The following SLX4IP variants were observed in gnomAD, a reference collection of about 807,000 sequenced individuals.
The protein encoded by SLX4IP is SLX4 interacting protein.
In SLX4IP, 34 loss-of-function variants were observed where a neutral mutation model predicts 32.9. The observed-to-expected ratio is 1.03, with a 90% confidence interval of 0.79 to 1.38. SLX4IP has a LOEUF of 1.38. Among genes scored for constraint, SLX4IP ranks in the 40% most tolerant of loss-of-function variants. The probability of loss-of-function intolerance (pLI) is 0.00; values close to 1 mark genes in which losing one functional copy is unlikely to be tolerated. For synonymous variants in SLX4IP, 172 were observed against 171.7 expected (o/e 1.00, Z -0.01); for missense variants, 444 against 479.0 (o/e 0.93, Z 0.68).
intron 2 of SLX4IP, among the ~76,000 whole-genome samples, chr20:10,499,578 C>G (rs915065163): frequency 6.6e-6 from 1 of 152,024 alleles, no homozygotes; most frequent in Non-Finnish European, 1.5e-5. Context: ...ATTTGTATTC[C>G]TGGCACAGGA....
intron 2 of SLX4IP, among the ~76,000 whole-genome samples, chr20:10,532,742 C>G (rs977607240): frequency 1.3e-5 from 2 of 151,128 alleles, no homozygotes; most frequent in Admixed American, 1.3e-4. Context: ...AATAGAAAAG[C>G]TGAAGAAAAA....
intron 6 of SLX4IP, among the ~76,000 whole-genome samples, chr20:10,603,652 A>G (rs1373954741): frequency 2.0e-5 from 3 of 151,922 alleles, no homozygotes; most frequent in Non-Finnish European, 4.4e-5. Flanking sequence ...CTTCACATAT[A>G]CATTTTCCCA....
In SLX4IP at chr20:10,627,124, A is replaced by G. The variant is rs2067181467; in HGVS notation, c.*3745A>G. 5.3e-5 allele frequency: 8 copies of G among 152,226 alleles called. 1 individual carries two copies. In the South Asian group the frequency reaches 1.7e-3, roughly 32 times the overall value. The allele number at this position is 152,226 out of a possible 1,614,324, so 9.4% of individuals were successfully genotyped here. A position where few individuals can be genotyped will look rare whatever the true frequency, so the allele number is the denominator to read the frequency against. Reference sequence around the variant, plus strand: ...GGCAGACCTTACTGTAATATTACACAAAACTGTAATGAGTGGCCCTCCTTT... The same window carrying G: ...GGCAGACCTTACTGTAATATTACACGAAACTGTAATGAGTGGCCCTCCTTT... On this transcript the variant is annotated 3_prime_UTR_variant, in exon 8 of 8. Coordinates refer to ENST00000334534, the MANE Select transcript of SLX4IP (RefSeq NM_001009608.3).
chr20:10,505,272 G>A (rs1299092643), intron 2 of SLX4IP, among the ~76,000 whole-genome samples: 1 of 152,204 alleles, frequency 6.6e-6, no homozygotes, highest in Non-Finnish European at 1.5e-5. Flanking sequence ...GGGAATGTGT[G>A]CATGTCTTCA....
chr20:10,588,135 G>GA (rs199848738), intron 4 of SLX4IP, among the ~76,000 whole-genome samples: 2,804 of 150,074 alleles, frequency 0.019, 59 homozygotes, highest in South Asian at 0.089. Context: ...CAATAGCAAA[G>GA]AAAAAAAAGG....
intron 1 of SLX4IP, among the ~76,000 whole-genome samples, chr20:10,440,262 C>G (rs6133936): frequency 6.6e-6 from 1 of 151,908 alleles, no homozygotes; most frequent in Admixed American, 6.6e-5. Flanking sequence ...TGAGACCAGC[C>G]TTGCCAACAT....
intron 2 of SLX4IP, among the ~76,000 whole-genome samples, chr20:10,503,214 G>A (rs1435109751): frequency 6.6e-6 from 1 of 152,230 alleles, no homozygotes; most frequent in African/African-American, 2.4e-5. Context: ...ACCCAAGGGT[G>A]TATATGATGC....
chr20:10,474,507 C>G (rs987348966), intron 2 of SLX4IP, among the ~76,000 whole-genome samples: 4 of 152,128 alleles, frequency 2.6e-5, no homozygotes, highest in African/African-American at 9.7e-5. Context: ...CCCTTCCCTT[C>G]TTTACTTTAG....
chr20:10,491,656 ATG>A (rs1341661603), intron 2 of SLX4IP, among the ~76,000 whole-genome samples: 3 of 152,162 alleles, frequency 2.0e-5, no homozygotes, highest in Admixed American at 6.5e-5. Context: ...CTTTAAACTT[ATG>A]TGTTATGTAA....
chr20:10,561,156 G>T (rs2066328381), intron 4 of SLX4IP, among the ~76,000 whole-genome samples: 1 of 152,188 alleles, frequency 6.6e-6, no homozygotes, highest in African/African-American at 2.4e-5. Flanking sequence ...TTTGATACGT[G>T]TATACAATGT....
intron 2 of SLX4IP, among the ~76,000 whole-genome samples, chr20:10,538,998 C>T (rs893348607): frequency 2.6e-5 from 4 of 152,206 alleles, no homozygotes; most frequent in Non-Finnish European, 5.9e-5. Context: ...AATCAAGAGG[C>T]ACATACCAAA....
chr20:10,437,098 T>G (rs1418393395), intron 1 of SLX4IP, among the ~76,000 whole-genome samples: 2 of 152,174 alleles, frequency 1.3e-5, no homozygotes, highest in Non-Finnish European at 2.9e-5. Flanking sequence ...CACCTTGCTT[T>G]CTTCTGTCTT....
rs367741399 is a variant in SLX4IP at position 10,452,559 on chromosome 20, G to T, written c.-29-5617G>T. Among the ~76,000 whole-genome samples, 13 of 150,820 alleles carry T rather than the reference G, an allele frequency of 8.6e-5. 1 individual carries two copies. The South Asian group carries it at 2.1e-3, about 24-fold the overall frequency. ...CATGCACCTGTAATCCCGGCTACTC[G>T]GGAAGCTGAGACAGGAGAATCGCTT... On this transcript the variant is annotated intron_variant, in intron 1 of 7. Transcript: ENST00000334534.
intron 2 of SLX4IP, among the ~76,000 whole-genome samples, chr20:10,522,616 A>C (rs1328477765): frequency 1.3e-5 from 2 of 152,152 alleles, no homozygotes; most frequent in Non-Finnish European, 2.9e-5. Flanking sequence ...ATTCTTAGCC[A>C]AGTGCCTTAC....
intron 2 of SLX4IP, among the ~76,000 whole-genome samples, chr20:10,512,663 GTA>G (rs1402050555): frequency 1.5e-5 from 2 of 137,830 alleles, no homozygotes; most frequent in Admixed American, 7.5e-5. Flanking sequence ...TTTATATATA[GTA>G]TATATATTGT....
chr20:10,606,167 G>A (rs2122554621), intron 6 of SLX4IP, among the ~76,000 whole-genome samples: 1 of 152,226 alleles, frequency 6.6e-6, no homozygotes, highest in East Asian at 1.9e-4. Flanking sequence ...AAATTTTCTT[G>A]CAGATTAAAA....
chr20:10,520,886 C>A (rs1322990475), intron 2 of SLX4IP, among the ~76,000 whole-genome samples: 1 of 152,192 alleles, frequency 6.6e-6, no homozygotes, highest in Admixed American at 6.5e-5. Flanking sequence ...TCTGTTCCCA[C>A]TCCCCAGAAG....
rs770842467 is a variant in SLX4IP at position 10,623,071 on chromosome 20, C to A, written c.919C>A (p.His307Asn). Reference sequence around the variant, plus strand: ...CTGCAGCTCTGCGGAAGACTTCGACCACCACGGGAGAGTTTCTCTTGGAAG... The same window carrying A: ...CTGCAGCTCTGCGGAAGACTTCGACAACCACGGGAGAGTTTCTCTTGGAAG... ...RNCSSAEDFD[H>N]HGRVSLGSDR... The change falls in exon 8 of 8, where the codon CAC becomes AAC. Residue 307 changes from histidine to asparagine, a missense_variant. His to Asn is a moderately conservative substitution (Grantham distance 68). Coordinates refer to ENST00000334534, the MANE Select transcript of SLX4IP (RefSeq NM_001009608.3). 5 of 1,614,076 alleles carry A rather than the reference C, an allele frequency of 3.1e-6. No individual in the cohort carries two copies. The highest frequency in any genetic ancestry group is 1.6e-4 in the Middle Eastern group (1 of 6,062).
chr20:10,566,226 C>A (rs1158471090), intron 4 of SLX4IP, among the ~76,000 whole-genome samples: 1 of 147,728 alleles, frequency 6.8e-6, no homozygotes, highest in Non-Finnish European at 1.5e-5. Flanking sequence ...GATGAGATTG[C>A]CATTGTTTTA....
Sources: gnomAD v4.1 joint callset for allele counts (sites outside exome capture counted in the v4.1 genomes callset) on GRCh38, gnomAD v4.1.1 for gene constraint, MANE v1.5 for transcripts, NCBI Gene and HGNC (gene_info 2026-07-23, HGNC 2026-07-21) for gene names.